NEGR1: variants seen among roughly 807,000 people sequenced by gnomAD.
NEGR1 encodes the protein IgLON family member 4.
NEGR1 carries 10 observed loss-of-function variants against 40.9 expected under a neutral mutation model. The ratio of observed to expected loss-of-function variants is 0.24; its 90% confidence interval spans 0.15 to 0.42. The LOEUF (loss-of-function observed/expected upper bound fraction) is 0.42, where lower values mean the gene tolerates loss of function less well. Among genes scored for constraint, NEGR1 ranks in the 10% least tolerant of loss-of-function variants. The probability of loss-of-function intolerance (pLI) is 1.00; values close to 1 mark genes in which losing one functional copy is unlikely to be tolerated. For missense variants in NEGR1, 352 were observed against 438.9 expected (o/e 0.80, Z 1.77); for synonymous variants, 185 against 166.8 (o/e 1.11, Z -0.84).
intron 6 of NEGR1, among the ~76,000 whole-genome samples, chr1:71,556,744 T>G (rs1648266620): frequency 6.6e-6 from 1 of 151,456 alleles, no homozygotes. Flanking sequence ...GAGGGAGATT[T>G]ATACTCCCAA....
chr1:71,731,791 C>T (rs183777458), intron 3 of NEGR1, among the ~76,000 whole-genome samples: 4 of 152,268 alleles, frequency 2.6e-5, no homozygotes, highest in African/African-American at 9.6e-5. Context: ...ATAACAATTA[C>T]ACAGCACTGA....
chr1:72,013,121 G>A (rs1393688534), intron 1 of NEGR1, among the ~76,000 whole-genome samples: 1 of 151,634 alleles, frequency 6.6e-6, no homozygotes, highest in Non-Finnish European at 1.5e-5. Flanking sequence ...TTCTTTTTAG[G>A]GGTAATAAAT....
At chr1:72,129,624 T>G (rs1028903499) in intron 1 of NEGR1, among the ~76,000 whole-genome samples, 1 of 152,188 alleles carries the variant, frequency 6.6e-6, no homozygotes, top group African/African-American at 2.4e-5. Context: ...TAATAAAATG[T>G]TGCAAGGAAG....
intron 1 of NEGR1, among the ~76,000 whole-genome samples, chr1:72,211,051 T>C (rs1343405390): frequency 6.6e-6 from 1 of 151,796 alleles, no homozygotes; most frequent in Non-Finnish European, 1.5e-5. Context: ...CAATTATACC[T>C]CCACAAAGCT....
intron 2 of NEGR1, among the ~76,000 whole-genome samples, chr1:71,870,184 T>C (rs1220396166): frequency 6.6e-6 from 1 of 152,160 alleles, no homozygotes; most frequent in Admixed American, 6.6e-5. Context: ...CCAGCCTGGA[T>C]AGCTTTTATG....
chr1:71,525,366 G>A (rs1343248147), intron 6 of NEGR1, among the ~76,000 whole-genome samples: 1 of 151,584 alleles, frequency 6.6e-6, no homozygotes, highest in Non-Finnish European at 1.5e-5. Context: ...CCTTTTTGCA[G>A]ATATATTTTT....
chr1:72,087,442 A>C (rs1213994599), intron 1 of NEGR1, among the ~76,000 whole-genome samples: 1 of 148,686 alleles, frequency 6.7e-6, no homozygotes, highest in Non-Finnish European at 1.5e-5. Context: ...AAAAAAAAAT[A>C]TATATATATA....
At chr1:71,928,345 CATGTGTA>C (rs1645812455) in intron 2 of NEGR1, among the ~76,000 whole-genome samples, 1 of 86,280 alleles carries the variant, frequency 1.2e-5, no homozygotes, top group East Asian at 2.9e-4. Context: ...TATATACACA[CATGTGTA>C]TATATATATA....
chr1:71,642,894 G>A (rs568634147), intron 4 of NEGR1, among the ~76,000 whole-genome samples: 1 of 152,006 alleles, frequency 6.6e-6, no homozygotes, highest in Non-Finnish European at 1.5e-5. Context: ...GTCCCAGGCA[G>A]GTAGTTACCC....
intron 4 of NEGR1, among the ~76,000 whole-genome samples, chr1:71,681,434 T>G (rs1251138324): frequency 6.6e-6 from 1 of 152,246 alleles, no homozygotes; most frequent in Admixed American, 6.5e-5. Flanking sequence ...TTCTGTCTTC[T>G]GGCATTCATT....
intron 4 of NEGR1, among the ~76,000 whole-genome samples, chr1:71,619,853 ACT>A (rs929325063): frequency 6.6e-6 from 1 of 151,900 alleles, no homozygotes; most frequent in Admixed American, 6.6e-5. Context: ...AGAAACAGAA[ACT>A]CTGCACTTGG....
At chr1:72,073,919 A>G (rs1241439211) in intron 1 of NEGR1, among the ~76,000 whole-genome samples, 3 of 152,154 alleles carry the variant, frequency 2.0e-5, no homozygotes, top group African/African-American at 7.2e-5. Context: ...TCACAGAATG[A>G]CAAATGATAC....
chr1:71,597,844 C>A (rs1227482807), intron 5 of NEGR1, among the ~76,000 whole-genome samples: 3 of 151,660 alleles, frequency 2.0e-5, no homozygotes, highest in Non-Finnish European at 2.9e-5. Flanking sequence ...ATCCAGGAGG[C>A]GGAGGTTGCA....
intron 6 of NEGR1, among the ~76,000 whole-genome samples, chr1:71,488,401 G>C (rs1646902555): frequency 6.6e-6 from 1 of 151,772 alleles, no homozygotes; most frequent in Non-Finnish European, 1.5e-5. Flanking sequence ...CTAATGCCTT[G>C]TAAAAAGTCA....
chr1:71,630,934 T>C (rs1002293383), intron 4 of NEGR1, among the ~76,000 whole-genome samples: 3 of 151,926 alleles, frequency 2.0e-5, no homozygotes, highest in Admixed American at 6.6e-5. Context: ...CTAATGTGCA[T>C]TTTATATTTA....
intron 4 of NEGR1, among the ~76,000 whole-genome samples, chr1:71,631,631 G>T (rs1197241949): frequency 6.6e-6 from 1 of 151,772 alleles, no homozygotes; most frequent in Non-Finnish European, 1.5e-5. Flanking sequence ...TTGGTAATTA[G>T]AATGGTAATA....
chr1:71,713,128 C>T (rs972840547), intron 3 of NEGR1, among the ~76,000 whole-genome samples: 4 of 152,204 alleles, frequency 2.6e-5, no homozygotes, highest in African/African-American at 9.7e-5. Context: ...TTTTCTTTAA[C>T]AACTGTTCCT....
intron 1 of NEGR1, among the ~76,000 whole-genome samples, chr1:72,045,103 C>A (rs1163225694): frequency 2.0e-5 from 3 of 151,716 alleles, no homozygotes; most frequent in Non-Finnish European, 4.4e-5. Flanking sequence ...TTTGACCTCA[C>A]CCACATAACA....
chr1:71,524,631 C>T (rs1020945853), intron 6 of NEGR1, among the ~76,000 whole-genome samples: 1 of 151,362 alleles, frequency 6.6e-6, no homozygotes, highest in South Asian at 2.1e-4. Context: ...GAGTGATGAC[C>T]ATCCAAAGAT....
Sources: allele counts gnomAD v4.1 joint callset (sites outside exome capture counted in the v4.1 genomes callset), GRCh38; gene constraint gnomAD v4.1.1; transcripts MANE v1.5; gene names NCBI Gene and HGNC (gene_info 2026-07-23, HGNC 2026-07-21).